The following DSCAM variants were observed in gnomAD, a reference collection of about 807,000 sequenced individuals.
DSCAM encodes the protein DS cell adhesion molecule.
DSCAM carries 47 observed loss-of-function variants against 217.7 expected under a neutral mutation model. The observed-to-expected ratio is 0.22, with a 90% CI of 0.17 to 0.28. The LOEUF (loss-of-function observed/expected upper bound fraction) is 0.28. Ranked by LOEUF, DSCAM falls within the 10% of genes least tolerant of loss-of-function variation. The pLI is 1.00. For missense variants in DSCAM, 2,080 were observed against 2,618.3 expected (o/e 0.79, Z 4.49); for synonymous variants, 1,056 against 1,015.3 (o/e 1.04, Z -0.76).
chr21:40,382,039 G>T (rs1160542139), intron 3 of DSCAM, among the ~76,000 whole-genome samples: 1 of 152,150 alleles, frequency 6.6e-6, no homozygotes, highest in Admixed American at 6.5e-5. Context: ...AGCAAAAAAT[G>T]TTTGAAGAGC....
chr21:40,249,093 G>C (rs1370081096), intron 11 of DSCAM, among the ~76,000 whole-genome samples: 2 of 152,184 alleles, frequency 1.3e-5, no homozygotes, highest in Middle Eastern at 3.2e-3. Flanking sequence ...TACAATTCTA[G>C]TAGAGATTTG....
chr21:40,459,357 G>T (rs1601660023), intron 3 of DSCAM, among the ~76,000 whole-genome samples: 1 of 152,202 alleles, frequency 6.6e-6, no homozygotes, highest in East Asian at 1.9e-4. Flanking sequence ...AAAAAGAAAG[G>T]AAATTACCAT....
At chr21:40,707,884 T>C (rs918465944) in intron 2 of DSCAM, among the ~76,000 whole-genome samples, 8 of 152,160 alleles carry the variant, frequency 5.3e-5, no homozygotes, top group African/African-American at 1.7e-4. Context: ...ACACAATATG[T>C]TGTTAAAAGG....
intron 1 of DSCAM, among the ~76,000 whole-genome samples, chr21:40,834,608 C>T (rs1221916874): frequency 6.6e-6 from 1 of 151,972 alleles, no homozygotes; most frequent in Non-Finnish European, 1.5e-5. Flanking sequence ...TTTAGGGAGA[C>T]ACTTCCAGGA....
At chr21:40,599,892 C>T (rs1488048148) in intron 3 of DSCAM, among the ~76,000 whole-genome samples, 1 of 152,086 alleles carries the variant, frequency 6.6e-6, no homozygotes, top group Non-Finnish European at 1.5e-5. Context: ...TACACCCTCC[C>T]AAGATGAAAC....
chr21:40,708,558 A>G lies in DSCAM; in HGVS notation c.257T>C (p.Phe86Ser). 6.3e-7 allele frequency: 1 copy of G among 1,599,986 alleles called. No individual in the cohort carries two copies. Among genetic ancestry groups the G allele is most frequent in the Non-Finnish European group, 8.5e-7 (1 of 1,171,302 alleles). ...HPNGTLQIFP[F>S]PPSSFSTLIH... is the part of the protein sequence containing the mutation. ...TAAGGTACTGAAGCTTGAAGGAGGG[A>G]AGGGGAAAATTTGGAGAGTGCCGTT... The change falls in exon 2 of 33, where the codon TTC becomes TCC. Residue 86 changes from phenylalanine (F) to serine (S), a missense_variant. Physicochemically the swap from Phe to Ser is radical, Grantham distance 155. Transcript: ENST00000400454.
intron 3 of DSCAM, among the ~76,000 whole-genome samples, chr21:40,670,408 T>G (rs60271984): frequency 0.066 from 10,091 of 152,056 alleles, 1,013 homozygotes; most frequent in African/African-American, 0.22. Flanking sequence ...TGTGGTGGCG[T>G]GTGCCTGTAG....
intron 3 of DSCAM, among the ~76,000 whole-genome samples, chr21:40,673,027 A>G (rs1224040234): frequency 6.6e-6 from 1 of 152,196 alleles, no homozygotes; most frequent in South Asian, 2.1e-4. Flanking sequence ...CTGCATAAAA[A>G]TCCAAAGCTA....
intron 3 of DSCAM, among the ~76,000 whole-genome samples, chr21:40,510,927 A>G (rs562511935): frequency 6.6e-6 from 1 of 152,352 alleles, no homozygotes; most frequent in Admixed American, 6.5e-5. Flanking sequence ...CCCATAGGTT[A>G]TCAGTATTGT....
intron 11 of DSCAM, among the ~76,000 whole-genome samples, chr21:40,229,986 T>C (rs1461617898): frequency 6.6e-6 from 1 of 152,238 alleles, no homozygotes. Flanking sequence ...CTTAATATCC[T>C]TGTCAGCAAT....
chr21:40,681,853 G>T (rs529974045), intron 3 of DSCAM, among the ~76,000 whole-genome samples: 1 of 152,154 alleles, frequency 6.6e-6, no homozygotes, highest in African/African-American at 2.4e-5. Context: ...TGGATGGAGT[G>T]AGACTTCTGC....
intron 3 of DSCAM, among the ~76,000 whole-genome samples, chr21:40,485,833 CACAT>C (rs1295860187): frequency 6.6e-6 from 1 of 151,924 alleles, no homozygotes; most frequent in East Asian, 1.9e-4. Flanking sequence ...TATATACATA[CACAT>C]ACATACACAC....
chr21:40,292,939 T>C (rs2073911847), intron 10 of DSCAM, among the ~76,000 whole-genome samples: 1 of 152,074 alleles, frequency 6.6e-6, no homozygotes, highest in African/African-American at 2.4e-5. Context: ...GGTTTCACCG[T>C]GTTAGCCAGG....
In DSCAM at chr21:40,627,105, A is replaced by G. The variant is rs1859476088; in HGVS notation, c.508+65705T>C. On this transcript the variant is annotated intron_variant, in intron 3 of 32. Transcript: ENST00000400454. ...CCGACTGAGGACAGAAGCCATATCTACTTCATGAGCTTTGTGTCCCTAACA... is the reference window on the plus strand; with the variant it reads ...CCGACTGAGGACAGAAGCCATATCTGCTTCATGAGCTTTGTGTCCCTAACA... Among the ~76,000 whole-genome samples, 2 of 152,210 alleles carry G rather than the reference A, an allele frequency of 1.3e-5. 1 individual carries two copies. The highest frequency in any genetic ancestry group is 1.3e-4 in the Admixed American group (2 of 15,282).
chr21:40,531,266 T>C (rs1882781), intron 3 of DSCAM, among the ~76,000 whole-genome samples: 40,514 of 152,100 alleles, frequency 0.27, 6,668 homozygotes, highest in African/African-American at 0.44. Flanking sequence ...GCTGCCGGTC[T>C]CAGGCGCATT....
chr21:40,832,093 G>A (rs771594510), intron 1 of DSCAM, among the ~76,000 whole-genome samples: 43 of 152,162 alleles, frequency 2.8e-4, no homozygotes, highest in African/African-American at 5.6e-4. Context: ...TTTGCAATCT[G>A]TAAAACTGAA....
At chr21:40,461,380 A>G (rs1239638471) in intron 3 of DSCAM, among the ~76,000 whole-genome samples, 1 of 152,160 alleles carries the variant, frequency 6.6e-6, no homozygotes, top group African/African-American at 2.4e-5. Flanking sequence ...GCACACATAC[A>G]TATGATTCAT....
chr21:40,261,778 G>A (rs1354643488), intron 11 of DSCAM, among the ~76,000 whole-genome samples: 1 of 151,066 alleles, frequency 6.6e-6, no homozygotes, highest in Non-Finnish European at 1.5e-5. Flanking sequence ...TGTCTTATTG[G>A]CTTTGTTACT....
rs530069110 is a variant in DSCAM, at chr21:40,136,937, G to T, written c.3407-2928C>A. Among the ~76,000 whole-genome samples, 534 of 152,196 alleles carry T rather than the reference G, an allele frequency of 3.5e-3. 4 individuals carry two copies. Among genetic ancestry groups the T allele is most frequent in the Non-Finnish European group, 6.2e-3 (423 of 68,006 alleles). ...TGCCTGTAATCCCAGCACTTCGGGA[G>T]GCCAAGGCGGGTGGATCACGAGGTC... On this transcript the variant is annotated intron_variant, in intron 18 of 32. Coordinates refer to ENST00000400454, the MANE Select transcript of DSCAM (RefSeq NM_001389.5).
Sources: gnomAD v4.1 joint callset for allele counts (sites outside exome capture counted in the v4.1 genomes callset) on GRCh38, gnomAD v4.1.1 for gene constraint, MANE v1.5 for transcripts, NCBI Gene and HGNC (gene_info 2026-07-23, HGNC 2026-07-21) for gene names.